TSPAN15: variants seen among roughly 807,000 people sequenced by gnomAD.
TSPAN15 encodes tetraspanin-15.
A neutral mutation model predicts 34.5 loss-of-function variants in TSPAN15; 20 were observed. The observed-to-expected ratio is 0.58, with a 90% CI of 0.41 to 0.84. The LOEUF is 0.84. Ranked by LOEUF, TSPAN15 falls within the 40% of genes least tolerant of loss-of-function variation. The probability of loss-of-function intolerance (pLI) is 0.00; values close to 1 mark genes in which losing one functional copy is unlikely to be tolerated. For synonymous variants in TSPAN15, 155 were observed against 153.9 expected, an observed-to-expected ratio of 1.01 and a Z score of -0.05; for missense variants, 313 against 386.1, an observed-to-expected ratio of 0.81 and a Z score of 1.59.
At chr10:69,530,343 A>G in the TSPAN15 span, among the ~76,000 whole-genome samples, 1 of 147,976 alleles carries the variant, frequency 6.8e-6, no homozygotes, top group South Asian at 2.1e-4. Context: ...AATTTTAACA[A>G]AATGGAAACT....
At chr10:69,498,969 C>A (rs1842146636) in intron 5 of TSPAN15, among the ~76,000 whole-genome samples, 2 of 152,158 alleles carry the variant, frequency 1.3e-5, no homozygotes, top group Admixed American at 6.5e-5. Context: ...GGTCTTTGGC[C>A]TTGAGGTCCT....
At chr10:69,482,757 T>C (rs1446028883) in intron 1 of TSPAN15, among the ~76,000 whole-genome samples, 1 of 152,148 alleles carries the variant, frequency 6.6e-6, no homozygotes, top group Non-Finnish European at 1.5e-5. Flanking sequence ...GAGCTGGGGC[T>C]CGAACCCATG....
the TSPAN15 span, chr10:69,523,425 C>T: frequency 7.0e-6 from 4 of 572,444 alleles, no homozygotes; most frequent in Admixed American, 8.4e-5. Flanking sequence ...AGAATAAGGT[C>T]ATTCCAGAGG....
At chr10:69,458,106 A>G (rs1378413009) in intron 1 of TSPAN15, among the ~76,000 whole-genome samples, 4 of 152,180 alleles carry the variant, frequency 2.6e-5, no homozygotes, top group South Asian at 2.1e-4. Flanking sequence ...TCGGGCCCCC[A>G]TGACCTTTCC....
the TSPAN15 span, among the ~76,000 whole-genome samples, chr10:69,533,666 A>T: frequency 4.9e-4 from 73 of 149,406 alleles, no homozygotes; most frequent in African/African-American, 1.7e-3. Flanking sequence ...CTTATGGAAA[A>T]AGAAAAAATA....
intron 1 of TSPAN15, among the ~76,000 whole-genome samples, chr10:69,483,239 C>T (rs533529511): frequency 6.6e-5 from 10 of 152,244 alleles, no homozygotes; most frequent in Admixed American, 5.9e-4. Flanking sequence ...CTGCCCGCCT[C>T]GGCCTCCCAA....
chr10:69,539,482 G>GAGAAGAAGAAGAAGAAGAAGAAGAAGA, the TSPAN15 span, among the ~76,000 whole-genome samples: 2 of 67,054 alleles, frequency 3.0e-5, no homozygotes, highest in South Asian at 6.3e-4. Context: ...GAAGGAGAAG[G>GAGAAGAAGAAGAAGAAGAAGAAGAAGA]AGAAGAAGAA....
chr10:69,491,215 T>C (rs966090126), intron 3 of TSPAN15, among the ~76,000 whole-genome samples: 2 of 152,130 alleles, frequency 1.3e-5, no homozygotes, highest in African/African-American at 4.8e-5. Context: ...GATTGTCACA[T>C]TGGGCTTCTA....
downstream of TSPAN15, among the ~76,000 whole-genome samples, chr10:69,508,888 A>T (rs1842386536): frequency 6.6e-6 from 1 of 152,316 alleles, no homozygotes; most frequent in Non-Finnish European, 1.5e-5. Context: ...GGTACTAGGC[A>T]TGCAAAACCA....
At chr10:69,484,186 C>CATT (rs1449438885) in intron 2 of TSPAN15, 1 of 255,934 alleles carries the variant, frequency 3.9e-6, no homozygotes, top group African/African-American at 2.2e-5. Flanking sequence ...GGTAGTGAGT[C>CATT]ATTAGCTCAT....
At chr10:69,468,145 A>G (rs1267004615) in intron 1 of TSPAN15, among the ~76,000 whole-genome samples, 4 of 138,896 alleles carry the variant, frequency 2.9e-5, no homozygotes, top group Non-Finnish European at 4.6e-5. Context: ...TCATTAGGAG[A>G]GCTGATCGGT....
intron 1 of TSPAN15, among the ~76,000 whole-genome samples, chr10:69,468,226 G>A (rs1044406716): frequency 6.6e-6 from 1 of 152,016 alleles, no homozygotes; most frequent in Non-Finnish European, 1.5e-5. Context: ...TGGGCCCTGT[G>A]TCAGGCACTG....
the TSPAN15 span, among the ~76,000 whole-genome samples, chr10:69,537,420 C>A: frequency 6.6e-6 from 1 of 152,164 alleles, no homozygotes; most frequent in African/African-American, 2.4e-5. Flanking sequence ...GTGCTGAAAA[C>A]TGGGTGGCTT....
Position 69,453,926 on chromosome 10 carries a change from C to A in TSPAN15, c.96+2236C>A, listed in dbSNP as rs767883026. Among the ~76,000 whole-genome samples, 109 of 152,376 alleles carry A rather than the reference C, an allele frequency of 7.2e-4. 1 individual carries two copies. The highest frequency in any genetic ancestry group is 6.8e-3 in the Middle Eastern group (2 of 294). The stretch of plus-strand genomic sequence containing the variant: ...AAAGTCTCTACACCCATGCCAAGAA[C>A]TCAGCCACCTGCCAACTCTGCCAGA... On this transcript the variant is annotated intron_variant, in intron 1 of 7. Transcript: ENST00000373290.
the TSPAN15 span, among the ~76,000 whole-genome samples, chr10:69,535,114 A>C: frequency 6.6e-6 from 1 of 152,228 alleles, no homozygotes; most frequent in Non-Finnish European, 1.5e-5. Context: ...GACCAAAAAC[A>C]TCTGGGCATA....
the TSPAN15 span, among the ~76,000 whole-genome samples, chr10:69,542,689 A>C: frequency 6.6e-6 from 1 of 152,336 alleles, no homozygotes; most frequent in African/African-American, 2.4e-5. Context: ...GCCCCTCATA[A>C]AACCATCAGA....
chr10:69,480,978 G>A (rs927071732), intron 1 of TSPAN15, among the ~76,000 whole-genome samples: 2 of 152,174 alleles, frequency 1.3e-5, no homozygotes, highest in East Asian at 3.9e-4. Context: ...GATTACAGGC[G>A]TGAGCCACTG....
At chr10:69,509,627 CT>C (rs1281955859), downstream of TSPAN15, among the ~76,000 whole-genome samples, 2 of 152,068 alleles carry the variant, frequency 1.3e-5, no homozygotes, top group African/African-American at 4.8e-5. Context: ...GTTGCCATTG[CT>C]TTTGGTGTTT....
intron 5 of TSPAN15, among the ~76,000 whole-genome samples, chr10:69,499,127 A>C (rs546221118): frequency 1.3e-5 from 2 of 152,260 alleles, no homozygotes; most frequent in Non-Finnish European, 2.9e-5. Context: ...GAAAGGCTTC[A>C]TCAGTCCTTG....
Sources: gnomAD v4.1 joint callset for allele counts (sites outside exome capture counted in the v4.1 genomes callset) on GRCh38, gnomAD v4.1.1 for gene constraint, MANE v1.5 for transcripts, NCBI Gene and HGNC (gene_info 2026-07-23, HGNC 2026-07-21) for gene names.